Variants in AIRE observed in about 807,000 individuals in gnomAD.
The protein encoded by AIRE is autoimmune regulator, also known as autoimmune polyendocrinopathy candidiasis ectodermal dystrophy protein.
Under a neutral mutation model 62.1 loss-of-function variants are expected in AIRE, and 52 were observed. The ratio of observed to expected loss-of-function variants is 0.84; its 90% CI spans 0.67 to 1.06. The LOEUF is 1.06. Among genes scored for constraint, AIRE ranks in the 50% least tolerant of loss-of-function variants. The pLI, the probability that AIRE is intolerant of heterozygous loss-of-function variation, is 0.00. For missense variants in AIRE, 774 were observed against 755.8 expected (o/e 1.02, Z -0.28); for synonymous variants, 342 against 321.6 (o/e 1.06, Z -0.68).
chr21:44,292,419 C>G lies in AIRE; in HGVS notation c.1095+18C>G, dbSNP rs1226694679. The G allele has an allele frequency of 2.0e-6, 3 of 1,523,042 alleles. No individual in the cohort carries two copies. Among genetic ancestry groups the G allele is most frequent in the Non-Finnish European group, 2.7e-6 (3 of 1,124,014 alleles). 94.3% of individuals were successfully genotyped at this position (1,523,042 alleles called of 1,614,324 possible). A position where few individuals can be genotyped will look rare whatever the true frequency, so the allele number is the denominator to read the frequency against. On this transcript the variant is annotated intron_variant, in intron 9 of 13. Coordinates refer to ENST00000291582, the MANE Select transcript of AIRE (RefSeq NM_000383.4). ...AGACCCCGGTATGGCCACGCCCCCT[C>G]CTAGCCGGGCCACCCCTCCTGTCCA...
chr21:44,286,170 A>G lies in AIRE; in HGVS notation c.132+32A>G. ...TCCCCGCCCGCCCCCCGCTGCCCCC[A>G]GGCCCTGTGAGCCAGGGATAGTCCC... On this transcript the variant is annotated intron_variant, in intron 1 of 13. Transcript: ENST00000291582. The surrounding 1 kb of genome is among the most constrained non-coding windows in gnomAD (Gnocchi z 6.0). 2 of 941,254 alleles carry G rather than the reference A, an allele frequency of 2.1e-6. No homozygotes were observed. The highest frequency in any genetic ancestry group is 1.4e-6 in the Non-Finnish European group (1 of 736,602). The allele number at this position is 941,254 out of a possible 1,614,324, so 58.3% of individuals were successfully genotyped here. A position where few individuals can be genotyped will look rare whatever the true frequency, so the allele number is the denominator to read the frequency against.
chr21:44,296,899 A>T (rs2040615583), intron 13 of AIRE, among the ~76,000 whole-genome samples: 1 of 152,034 alleles, frequency 6.6e-6, no homozygotes, highest in Non-Finnish European at 1.5e-5. Flanking sequence ...CTACGCTAAG[A>T]TGGGCAGGTA....
chr21:44,288,836 G>A (rs1053205471), intron 5 of AIRE: 15 of 215,612 alleles, frequency 7.0e-5, no homozygotes, highest in African/African-American at 2.7e-4. Flanking sequence ...GTAGCATAGC[G>A]TCCTTGCCCC....
chr21:44,297,790 A>C lies in AIRE; in HGVS notation c.*63A>C. 2.0e-6 allele frequency: 3 copies of C among 1,508,240 alleles called. No individual in the cohort carries two copies. Among genetic ancestry groups the C allele is most frequent in the Non-Finnish European group, 2.8e-6 (3 of 1,090,856 alleles). The allele number at this position is 1,508,240 out of a possible 1,614,324, so 93.4% of individuals were successfully genotyped here. A position where few individuals can be genotyped will look rare whatever the true frequency, so the allele number is the denominator to read the frequency against. On this transcript the variant is annotated 3_prime_UTR_variant, in exon 14 of 14. Coordinates refer to ENST00000291582, the MANE Select transcript of AIRE (RefSeq NM_000383.4). The surrounding 1 kb of genome is among the most constrained non-coding windows in gnomAD (Gnocchi z 4.8). ...TGCTGAGAAGGACACCTCCTTCCTCAGTCCTGGAAGCCGGCCGGCTGGGAT... is the reference window on the plus strand; with the variant it reads ...TGCTGAGAAGGACACCTCCTTCCTCCGTCCTGGAAGCCGGCCGGCTGGGAT...
At position 44,294,540 on chromosome 21, in the gene AIRE, TGGGG is replaced by T. The variant is rs2040586280; in HGVS notation, c.1503+39_1503+42del. 9 of 1,222,184 alleles carry T rather than the reference TGGGG, an allele frequency of 7.4e-6. No individual in the cohort carries two copies. The South Asian group carries it at 1.3e-4, about 18-fold the overall frequency. The allele number at this position is 1,222,184 out of a possible 1,614,324, so 75.7% of individuals were successfully genotyped here. A position where few individuals can be genotyped will look rare whatever the true frequency, so the allele number is the denominator to read the frequency against. ...AGGGGCCCTCCATGCATGCCGGTGC[TGGGG>T]GTGGGGAACCCCTTGGGTTGGTGTT... On this transcript the variant is annotated intron_variant, in intron 12 of 13. Coordinates refer to ENST00000291582, the MANE Select transcript of AIRE (RefSeq NM_000383.4).
Position 44,287,155 on chromosome 21 carries a change from C to G in AIRE, c.463+22C>G, listed in dbSNP as rs1310980515. The G allele has an allele frequency of 6.2e-7, 1 of 1,610,926 alleles. No homozygotes were observed. The highest frequency in any genetic ancestry group is 1.3e-5 in the African/African-American group (1 of 74,888). On this transcript the variant is annotated intron_variant, in intron 3 of 13. Coordinates refer to ENST00000291582, the MANE Select transcript of AIRE (RefSeq NM_000383.4). The surrounding 1 kb of genome is among the most constrained non-coding windows in gnomAD (Gnocchi z 4.3). ...CCAGGTACCCTCCCTGCAGGGGAAG[C>G]CAGCCAGGGTCTCCAGTCTTCCCGG... is the stretch of plus-strand genomic sequence containing the variant.
chr21:44,292,291 CACA>C lies in AIRE; in HGVS notation c.996-10_996-8del. 6.4e-7 allele frequency: 1 copy of C among 1,563,074 alleles called. No homozygotes were observed. ...GTTCTGCATGTCTCTGACTGGTGGA[CACA>C]CGAGCAGTGGGACCTGGAGGTGCTC... is the stretch of plus-strand genomic sequence containing the variant. On this transcript the variant is annotated splice_region_variant and splice_polypyrimidine_tract_variant and intron_variant, in intron 8 of 13. Coordinates refer to ENST00000291582, the MANE Select transcript of AIRE (RefSeq NM_000383.4).
chr21:44,286,408 ACT>A lies in AIRE; in HGVS notation c.133-147_133-146del. ...CTCAACACCCCTACACCACCACCTG[ACT>A]CCACCACAAGCCGAGGAGATGGGCG... On this transcript the variant is annotated intron_variant, in intron 1 of 13. Transcript: ENST00000291582. This position sits in a 1 kb window ranked among gnomAD's most constrained non-coding sequence, Gnocchi z 6.0. The A allele has an allele frequency of 1.1e-6, 1 of 902,416 alleles. No homozygotes were observed. The highest frequency in any genetic ancestry group is 1.7e-6 in the Non-Finnish European group (1 of 600,386). The allele number at this position is 902,416 out of a possible 1,614,324, so 55.9% of individuals were successfully genotyped here. A position where few individuals can be genotyped will look rare whatever the true frequency, so the allele number is the denominator to read the frequency against.
chr21:44,294,356 T>C, intron 11 of AIRE, 45 bp from the exon 12 acceptor site: 1 of 1,182,780 alleles, frequency 8.5e-7, no homozygotes, highest in Middle Eastern at 2.7e-4. Context: ...GAGGTGGCAC[T>C]CCTGCTCCCC....
At chr21:44,289,832 G>A (rs1459607943) in intron 6 of AIRE, 30 bp downstream of exon 6, 1 of 1,611,906 alleles carries the variant, frequency 6.2e-7, no homozygotes. Flanking sequence ...TGGGGAGCCT[G>A]GCTCTTGATG....
chr21:44,295,512 C>T lies in AIRE; in HGVS notation c.1504-871C>T, dbSNP rs149547427. 5.0e-3 allele frequency among the ~76,000 whole-genome samples: 763 copies of T among 152,328 alleles called. 6 individuals carry two copies. Among genetic ancestry groups the T allele is most frequent in the African/African-American group, 0.018 (745 of 41,552 alleles). On this transcript the variant is annotated intron_variant, in intron 12 of 13. Transcript: ENST00000291582. Reference sequence around the variant, plus strand: ...AGTCAGGAGCCCAGCCGGGCATATACGCAGATGCCCCTCCCTAACCCCAGG... The same window carrying T: ...AGTCAGGAGCCCAGCCGGGCATATATGCAGATGCCCCTCCCTAACCCCAGG...
At chr21:44,293,756 C>G in intron 10 of AIRE, 33 bp from the exon 11 acceptor site, 1 of 1,595,292 alleles carries the variant, frequency 6.3e-7, no homozygotes, top group Non-Finnish European at 8.5e-7. Context: ...TCCCCCGGCC[C>G]CCCGCGTCAC....
chr21:44,289,636 C>G, intron 5 of AIRE, 21 bp from the exon 6 acceptor site: 1 of 1,612,582 alleles, frequency 6.2e-7, no homozygotes, highest in Non-Finnish European at 8.5e-7. Flanking sequence ...TGAGCCAGGA[C>G]CAGCCGGCAT....
rs745382967 is a variant in AIRE, at chr21:44,292,993, C to T, written c.1096C>T (p.Leu366Phe). The T allele has an allele frequency of 1.2e-6, 2 of 1,612,284 alleles. No homozygotes were observed. Among genetic ancestry groups the T allele is most frequent in the Non-Finnish European group, 1.7e-6 (2 of 1,179,738 alleles). Residue 366 changes from leucine to phenylalanine, a missense_variant and splice_region_variant, in exon 10 of 14, where the codon CTC (leucine) becomes TTC (phenylalanine). Leu to Phe is a conservative substitution (Grantham distance 22). Around this residue, in one of 3 missense-constraint regions of AIRE, gnomAD observed 354 missense variants for 296.1 expected, o/e 1.20. Coordinates refer to ENST00000291582, the MANE Select transcript of AIRE (RefSeq NM_000383.4). ...RPQEPPVETP[L>F]PPGLRSAGEE... ...TCTGATGCTGACCCTTGGGTTCCAG[C>T]TCCCCCCGGGGCTTAGGTCGGCGGG...
rs1315522211 is a variant in AIRE at position 44,287,501 on chromosome 21, C to T, written c.464-16C>T. On this transcript the variant is annotated splice_polypyrimidine_tract_variant and intron_variant, in intron 3 of 13. Coordinates refer to ENST00000291582, the MANE Select transcript of AIRE (RefSeq NM_000383.4). This position sits in a 1 kb window ranked among gnomAD's most constrained non-coding sequence, Gnocchi z 4.3. ...CTGAGAGGGGAGGCCAGGCTGCCCC[C>T]AGCTCCCCCATTCAGGCTCTCAACT... 2.6e-6 allele frequency: 4 copies of T among 1,548,592 alleles called. No homozygotes were observed. In the South Asian group the frequency reaches 4.8e-5, roughly 18 times the overall value.
chr21:44,296,737 C>T (rs1409677371), intron 13 of AIRE, among the ~76,000 whole-genome samples: 3 of 150,882 alleles, frequency 2.0e-5, no homozygotes, highest in Admixed American at 1.3e-4. Context: ...CCCCACACGG[C>T]CCCTCCCCTG....
chr21:44,286,169 C>G lies in AIRE; in HGVS notation c.132+31C>G. On this transcript the variant is annotated intron_variant, in intron 1 of 13. Transcript: ENST00000291582. This position sits in a 1 kb window ranked among gnomAD's most constrained non-coding sequence, Gnocchi z 6.0. Reference sequence around the variant, plus strand: ...CTCCCCGCCCGCCCCCCGCTGCCCCCAGGCCCTGTGAGCCAGGGATAGTCC... The same window carrying G: ...CTCCCCGCCCGCCCCCCGCTGCCCCGAGGCCCTGTGAGCCAGGGATAGTCC... 6.5e-7 allele frequency: 1 copy of G among 1,535,702 alleles called. No homozygotes were observed. The highest frequency in any genetic ancestry group is 8.8e-7 in the Non-Finnish European group (1 of 1,139,468).
In AIRE at chr21:44,293,193, G is replaced by C; in HGVS notation, c.1278+18G>C. 2 of 1,538,132 alleles carry C rather than the reference G, an allele frequency of 1.3e-6. No individual in the cohort carries two copies. Among genetic ancestry groups the C allele is most frequent in the Non-Finnish European group, 1.8e-6 (2 of 1,140,428 alleles). ...GTCAGCAGGTGAGCGGGGAGTGGGG[G>C]TCAGGGTGGGCTCTTCAAGGAGCCC... is the stretch of plus-strand genomic sequence containing the variant. On this transcript the variant is annotated intron_variant, in intron 10 of 13. Transcript: ENST00000291582.
Position 44,297,307 on chromosome 21 carries a change from G to A in AIRE, c.1567-349G>A, listed in dbSNP as rs1328319470. Among the ~76,000 whole-genome samples the A allele has an allele frequency of 1.0e-4, 11 of 106,852 alleles. No individual in the cohort carries two copies. The highest frequency in any genetic ancestry group is 2.7e-4 in the African/African-American group (7 of 26,162). 70.1% of individuals were successfully genotyped at this position (106,852 alleles called of 152,430 possible). A position where few individuals can be genotyped will look rare whatever the true frequency, so the allele number is the denominator to read the frequency against. ...CTGAGCAGAATAAGTAGCTGGCCCC[G>A]ACCCCCCCACCCTGAAGGAGCCACC... On this transcript the variant is annotated intron_variant, in intron 13 of 13. Transcript: ENST00000291582. This position sits in a 1 kb window ranked among gnomAD's most constrained non-coding sequence, Gnocchi z 4.8.
Sources: allele counts gnomAD v4.1 joint callset (sites outside exome capture counted in the v4.1 genomes callset), GRCh38; gene constraint gnomAD v4.1.1; regional missense constraint gnomAD v4.1.1; non-coding constraint Gnocchi (gnomAD v3.1); transcripts MANE v1.5; gene names NCBI Gene and HGNC (gene_info 2026-07-23, HGNC 2026-07-21).